FRMD4B: variants seen among roughly 807,000 people sequenced by gnomAD.
FRMD4B encodes the protein FERM domain containing 4B.
In FRMD4B, 74 loss-of-function variants were observed where a neutral mutation model predicts 141.5. The ratio of observed to expected loss-of-function variants is 0.52; its 90% CI spans 0.43 to 0.63. FRMD4B has a LOEUF of 0.63. Among genes scored for constraint, FRMD4B ranks in the 30% least tolerant of loss-of-function variants. The pLI, the probability that FRMD4B is intolerant of heterozygous loss-of-function variation, is 0.00. For synonymous variants in FRMD4B, 506 were observed against 467.9 expected (o/e 1.08, Z -1.05); for missense variants, 1,366 against 1,253.4 (o/e 1.09, Z -1.36).
rs118133991 is a variant in FRMD4B at position 69,169,288 on chromosome 3, G to A, written c.*2573C>T. Among the ~76,000 whole-genome samples, 3 of 150,978 alleles carry A rather than the reference G, an allele frequency of 2.0e-5. No homozygotes were observed. In the East Asian group the frequency reaches 5.8e-4, roughly 29 times the overall value. ...TAATTGGTTTAATACCAATGCGGTT[G>A]AGAAATGTTTTTCAAAAGAGACGAA... On this transcript the variant is annotated 3_prime_UTR_variant, in exon 23 of 23. Transcript: ENST00000398540.
At chr3:69,222,061 T>C in intron 8 of FRMD4B, 138 bp from the exon 9 acceptor site, 1 of 625,546 alleles carries the variant, frequency 1.6e-6, no homozygotes, top group Non-Finnish European at 2.9e-6. Context: ...AGAGTTTGGC[T>C]TTTGTTTCTG....
At chr3:69,499,362 T>G (rs1706456379) in intron 1 of FRMD4B, among the ~76,000 whole-genome samples, 1 of 152,024 alleles carries the variant, frequency 6.6e-6, no homozygotes, top group South Asian at 2.1e-4. Context: ...AAGCACAGAG[T>G]GCATGAAAAA....
intron 7 of FRMD4B, among the ~76,000 whole-genome samples, chr3:69,230,434 G>A (rs1340549088): frequency 6.6e-6 from 1 of 152,046 alleles, no homozygotes; most frequent in African/African-American, 2.4e-5. Flanking sequence ...ATATTCCCTA[G>A]AGAAACTTAT....
chr3:69,301,001 G>T (rs1701198712), intron 4 of FRMD4B, among the ~76,000 whole-genome samples: 1 of 152,150 alleles, frequency 6.6e-6, no homozygotes, highest in Non-Finnish European at 1.5e-5. Flanking sequence ...CTCCCAAAGT[G>T]CTGGGATTAC....
chr3:69,476,661 G>T (rs1361397898), intron 1 of FRMD4B, among the ~76,000 whole-genome samples: 3 of 152,204 alleles, frequency 2.0e-5, no homozygotes, highest in African/African-American at 7.2e-5. Flanking sequence ...GTGTTCTTTT[G>T]GCTTAGGATT....
Position 69,193,726 on chromosome 3 carries a change from G to A in FRMD4B, c.1636C>T (p.Gln546Ter). The change falls in exon 17 of 23, where the codon CAG becomes TAG. Residue 546 changes from glutamine (Q) to a stop codon, truncating the protein, a stop_gained. Coordinates refer to ENST00000398540, the MANE Select transcript of FRMD4B (RefSeq NM_015123.3). LOFTEE classifies it high-confidence loss of function. ...TCGTTTATTGCATTTTCAATCTCCT[G>A]AAGCTTTTTCATCGCATCTGTGTAA... is the stretch of plus-strand genomic sequence containing the variant. ...QDYTDAMKKL[Q>*]EIENAINEYR... The A allele has an allele frequency of 6.2e-7, 1 of 1,613,670 alleles. No homozygotes were observed. The highest frequency in any genetic ancestry group is 8.5e-7 in the Non-Finnish European group (1 of 1,179,684).
At chr3:69,237,221 G>T (rs2093351026) in intron 7 of FRMD4B, among the ~76,000 whole-genome samples, 1 of 152,236 alleles carries the variant, frequency 6.6e-6, no homozygotes, top group Admixed American at 6.5e-5. Context: ...AACGGAAGAG[G>T]AGGGAGGGGC....
At chr3:69,285,651 C>A (rs1029650202) in intron 5 of FRMD4B, among the ~76,000 whole-genome samples, 14 of 152,178 alleles carry the variant, frequency 9.2e-5, no homozygotes, top group African/African-American at 1.4e-4. Flanking sequence ...TGAGACCAGC[C>A]TGGCCAATAT....
upstream of FRMD4B, among the ~76,000 whole-genome samples, chr3:69,387,302 A>T (rs1189862024): frequency 6.6e-6 from 1 of 152,000 alleles, no homozygotes; most frequent in Non-Finnish European, 1.5e-5. Flanking sequence ...TTTTTTGTAG[A>T]GATGGGGTCT....
intron 1 of FRMD4B, among the ~76,000 whole-genome samples, chr3:69,532,856 C>G (rs892220386): frequency 9.2e-5 from 14 of 152,212 alleles, no homozygotes; most frequent in African/African-American, 3.1e-4. Flanking sequence ...ACACTGTCGG[C>G]TGTTATAAGC....
chr3:69,200,613 C>T, intron 11 of FRMD4B: 1 of 1,205,552 alleles, frequency 8.3e-7, no homozygotes, highest in Non-Finnish European at 1.1e-6. Flanking sequence ...GTGACACCTC[C>T]CTAATTCTAC....
At chr3:69,200,568 G>A (rs755909472) in intron 11 of FRMD4B, 182 of 1,128,342 alleles carry the variant, frequency 1.6e-4, no homozygotes, top group Middle Eastern at 1.5e-3. Flanking sequence ...AGCCTCCCAC[G>A]GCTGACACAC....
intron 1 of FRMD4B, among the ~76,000 whole-genome samples, chr3:69,530,806 G>A (rs558168934): frequency 2.0e-5 from 3 of 152,204 alleles, no homozygotes; most frequent in South Asian, 2.1e-4. Flanking sequence ...TTCTAGAAAC[G>A]GCAACCGTGC....
intron 1 of FRMD4B, among the ~76,000 whole-genome samples, chr3:69,345,927 C>T (rs929536641): frequency 3.9e-5 from 6 of 152,122 alleles, no homozygotes; most frequent in Admixed American, 6.6e-5. Context: ...CAGAGCGCCT[C>T]CCCACCTCCA....
chr3:69,203,595 G>C (rs2092994173), intron 11 of FRMD4B, among the ~76,000 whole-genome samples: 1 of 152,124 alleles, frequency 6.6e-6, no homozygotes, highest in South Asian at 2.1e-4. Flanking sequence ...TTAGCATTCT[G>C]GTACTGCCAC....
In FRMD4B at chr3:69,209,587, TAAGTGGAAATGCAG is replaced by T. The variant is rs1471962019; in HGVS notation, c.876+6662_876+6675del. The stretch of plus-strand genomic sequence containing the variant: ...TGACAGCTCTGAGTCAGCCAGCTGG[TAAGTGGAAATGCAG>T]AACTGGTTCTTATTTCAAATCCATG... On this transcript the variant is annotated intron_variant, in intron 11 of 22. Coordinates refer to ENST00000398540, the MANE Select transcript of FRMD4B (RefSeq NM_015123.3). 3.9e-5 allele frequency among the ~76,000 whole-genome samples: 6 copies of T among 152,242 alleles called. No homozygotes were observed. In the South Asian group the frequency reaches 1.0e-3, roughly 26 times the overall value.
chr3:69,365,464 T>C (rs1187644999), intron 1 of FRMD4B, among the ~76,000 whole-genome samples: 1 of 152,174 alleles, frequency 6.6e-6, no homozygotes, highest in East Asian at 1.9e-4. Context: ...ACAAGAATGA[T>C]TCTTATTCAC....
At chr3:69,225,325 T>C (rs1316302341) in intron 7 of FRMD4B, among the ~76,000 whole-genome samples, 1 of 151,882 alleles carries the variant, frequency 6.6e-6, no homozygotes, top group Non-Finnish European at 1.5e-5. Context: ...TATCTAATTA[T>C]AAAATGGCAA....
Position 69,263,396 on chromosome 3 carries a change from CTTTTTTT to C in FRMD4B, c.502-13304_502-13298del, listed in dbSNP as rs67497031. On this transcript the variant is annotated intron_variant, in intron 5 of 22. Coordinates refer to ENST00000398540, the MANE Select transcript of FRMD4B (RefSeq NM_015123.3). ...GATGCTAGTTTGCTAGTTACATGCA[CTTTTTTT>C]TTTTTTTTTTTTTTTTTGAGACAGG... Among the ~76,000 whole-genome samples, 13 of 72,918 alleles carry C rather than the reference CTTTTTTT, an allele frequency of 1.8e-4. 1 individual carries two copies. The East Asian group carries it at 2.0e-3, about 11-fold the overall frequency. 47.8% of individuals were successfully genotyped at this position (72,918 alleles called of 152,430 possible).
Sources: gnomAD v4.1 joint callset for allele counts (sites outside exome capture counted in the v4.1 genomes callset) on GRCh38, gnomAD v4.1.1 for gene constraint, MANE v1.5 for transcripts, NCBI Gene and HGNC (gene_info 2026-07-23, HGNC 2026-07-21) for gene names.